The following TMEM59L variants were observed in gnomAD, a reference collection of about 807,000 sequenced individuals.
TMEM59L encodes the protein transmembrane protein 59-like.
In TMEM59L, 31 loss-of-function variants were observed where a neutral mutation model predicts 39.6. That is an observed-to-expected ratio of 0.78 (90% CI 0.59 to 1.06). TMEM59L has a LOEUF of 1.06. TMEM59L is among the 50% of genes least tolerant of loss of function. The pLI, the probability that TMEM59L is intolerant of heterozygous loss-of-function variation, is 0.00. For synonymous variants in TMEM59L, 219 were observed against 202.9 expected, an observed-to-expected ratio of 1.08 and a Z score of -0.68; for missense variants, 441 against 451.3, an observed-to-expected ratio of 0.98 and a Z score of 0.21.
chr19:18,614,077 C>G (rs774970062), intron 2 of TMEM59L, 27 bp from the exon 3 acceptor site: 1 of 1,612,558 alleles, frequency 6.2e-7, no homozygotes, highest in South Asian at 1.1e-5. Context: ...AGGGCCGTCC[C>G]CAGTCACCCG....
intron 3 of TMEM59L, among the ~76,000 whole-genome samples, chr19:18,614,545 G>A (rs1028596682): frequency 6.6e-6 from 1 of 152,184 alleles, no homozygotes; most frequent in Non-Finnish European, 1.5e-5. Context: ...AACCTCCCAG[G>A]TCATACACAG....
intron 7 of TMEM59L, among the ~76,000 whole-genome samples, 193 bp downstream of exon 7, chr19:18,618,685 ATATAAT>A: frequency 7.3e-6 from 1 of 136,246 alleles, no homozygotes; most frequent in African/African-American, 2.6e-5. Context: ...ATATATATAT[ATATAAT>A]ATATATATAT....
In TMEM59L at chr19:18,613,222, G is replaced by A. The variant is rs1212445875; in HGVS notation, c.171+93G>A. On this transcript the variant is annotated intron_variant, in intron 1 of 7. Transcript: ENST00000262817. ...ATGGGCTTCTCTTGGATGACAGCAG[G>A]AGACTTTGGTGGGGGTGTCCGTGGG... 5 of 1,196,056 alleles carry A rather than the reference G, an allele frequency of 4.2e-6. No homozygotes were observed. In the East Asian group the frequency reaches 1.6e-4, roughly 39 times the overall value. 74.1% of individuals were successfully genotyped at this position (1,196,056 alleles called of 1,614,324 possible).
chr19:18,619,458 G>T (rs575508530), intron 7 of TMEM59L, among the ~76,000 whole-genome samples: 1 of 152,192 alleles, frequency 6.6e-6, no homozygotes, highest in Non-Finnish European at 1.5e-5. Flanking sequence ...CCTCTGTGGT[G>T]CCCAGAGCCT....
intron 1 of TMEM59L, among the ~76,000 whole-genome samples, chr19:18,613,369 C>T (rs1187840567): frequency 1.3e-5 from 2 of 152,046 alleles, no homozygotes; most frequent in African/African-American, 4.8e-5. Context: ...CTCCCGGGCT[C>T]CTTCCGCACT....
chr19:18,616,142 A>G lies in TMEM59L; in HGVS notation c.561+15A>G. On this transcript the variant is annotated intron_variant, in intron 4 of 7. Coordinates refer to ENST00000262817, the MANE Select transcript of TMEM59L (RefSeq NM_012109.3). ...TGGTGTTTCAGGTGAGACCTCTGAC[A>G]GGGGCCACGCCAGAGTGGCAGATGG... The G allele has an allele frequency of 1.9e-6, 3 of 1,613,408 alleles. No homozygotes were observed. Among genetic ancestry groups the G allele is most frequent in the Non-Finnish European group, 2.5e-6 (3 of 1,179,702 alleles).
rs886628857 is a variant in TMEM59L, at chr19:18,617,495, AGGGTTCTGTGGCCCATCTCCCT to A, written c.664+415_664+436del. 36 of 461,376 alleles carry A rather than the reference AGGGTTCTGTGGCCCATCTCCCT, an allele frequency of 7.8e-5. 1 individual carries two copies. The highest frequency in any genetic ancestry group is 1.3e-4 in the Non-Finnish European group (29 of 230,880). The allele number at this position is 461,376 out of a possible 1,614,324, so 28.6% of individuals were successfully genotyped here. A position where few individuals can be genotyped will look rare whatever the true frequency, so the allele number is the denominator to read the frequency against. ...CCCAGGGATCCATGGTTCACTTTCC[AGGGTTCTGTGGCCCATCTCCCT>A]GGGTTCTGTGGCCCATCTCCCAGGG... On this transcript the variant is annotated intron_variant, in intron 5 of 7. Coordinates refer to ENST00000262817, the MANE Select transcript of TMEM59L (RefSeq NM_012109.3).
At chr19:18,614,562 GC>G (rs369653779) in intron 3 of TMEM59L, among the ~76,000 whole-genome samples, 152 of 152,336 alleles carry the variant, frequency 1.0e-3, no homozygotes, top group African/African-American at 3.5e-3. Flanking sequence ...ACAGGGCTGT[GC>G]AAGGGGCGAG....
At chr19:18,617,701 G>T (rs1389454618) in intron 5 of TMEM59L, 4 of 444,684 alleles carry the variant, frequency 9.0e-6, no homozygotes, top group South Asian at 6.4e-5. Context: ...CATCCCCCAG[G>T]GTTCTGCAGT....
chr19:18,613,507 A>C, intron 1 of TMEM59L, among the ~76,000 whole-genome samples: 1 of 145,680 alleles, frequency 6.9e-6, no homozygotes. Flanking sequence ...TACTCATACC[A>C]CCACTCCCCA....
At chr19:18,614,449 G>A (rs771328990) in intron 3 of TMEM59L, among the ~76,000 whole-genome samples, 2 of 152,194 alleles carry the variant, frequency 1.3e-5, no homozygotes, top group African/African-American at 4.8e-5. Context: ...GTCCTGGTTC[G>A]GGCCTGACTT....
rs765831156 is a variant in TMEM59L, at chr19:18,613,036, G to A, written c.78G>A (p.Pro26=). The change falls in exon 1 of 8, where the codon CCG becomes CCA. Residue 26 remains proline, a synonymous_variant. Transcript: ENST00000262817. ...LLASPPAASA[P]SARDPFAPQL... Reference sequence around the variant, plus strand: ...CGTCGCCGCCCGCCGCCTCCGCGCCGTCCGCCCGCGATCCCTTCGCCCCCC... The same window carrying A: ...CGTCGCCGCCCGCCGCCTCCGCGCCATCCGCCCGCGATCCCTTCGCCCCCC... 2.2e-6 allele frequency: 3 copies of A among 1,392,144 alleles called. No homozygotes were observed. The highest frequency in any genetic ancestry group is 3.1e-5 in the South Asian group (2 of 64,186). 86.2% of individuals were successfully genotyped at this position (1,392,144 alleles called of 1,614,324 possible).
intron 4 of TMEM59L, among the ~76,000 whole-genome samples, chr19:18,616,341 T>G (rs1290799616): frequency 6.6e-6 from 1 of 152,144 alleles, no homozygotes; most frequent in East Asian, 1.9e-4. Flanking sequence ...TTCTTGGCAG[T>G]AAGGTGGATG....
intron 7 of TMEM59L, among the ~76,000 whole-genome samples, 158 bp downstream of exon 7, chr19:18,618,650 T>C (rs1341289242): frequency 1.3e-5 from 1 of 79,230 alleles, no homozygotes; most frequent in Non-Finnish European, 2.1e-5. Flanking sequence ...CATATACGTG[T>C]GTGTGTGTGT....
rs1976434857 is a variant in TMEM59L at position 18,617,014 on chromosome 19, G to A, written c.576G>A (p.Val192=). 3 of 1,611,388 alleles carry A rather than the reference G, an allele frequency of 1.9e-6. No homozygotes were observed. The highest frequency in any genetic ancestry group is 2.2e-5 in the South Asian group (2 of 90,890). The change falls in exon 5 of 8, where the codon GTG becomes GTA. Residue 192 remains valine (V), a synonymous_variant. Transcript: ENST00000262817. ...KVVVFQTQPI[V]ESLGFQGGRL... is the part of the protein sequence containing the mutation. ...TCCTGGCCCAGACTCAGCCCATAGTGGAGAGCCTCGGCTTCCAGGGGGGCC... is the reference window on the plus strand; with the variant it reads ...TCCTGGCCCAGACTCAGCCCATAGTAGAGAGCCTCGGCTTCCAGGGGGGCC...
intron 3 of TMEM59L, 46 bp downstream of exon 3, chr19:18,614,241 A>T: frequency 6.5e-7 from 1 of 1,526,718 alleles, no homozygotes; most frequent in Non-Finnish European, 8.8e-7. Context: ...CAATACCCCC[A>T]CCCTCTTCAC....
Position 18,618,384 on chromosome 19 carries a change from T to C in TMEM59L, c.792T>C (p.Gly264=). Residue 264 remains glycine, a synonymous_variant, in exon 7 of 8, where the codon GGT becomes GGC. Coordinates refer to ENST00000262817, the MANE Select transcript of TMEM59L (RefSeq NM_012109.3). The part of the protein sequence containing the change: ...DFLSCMSRRS[G]LPRWILACCL... ...CTGCCGGGCGGGGCAGGCGCTCGGGTCTGCCTCGCTGGATCCTGGCCTGCT... is the reference window on the plus strand; with the variant it reads ...CTGCCGGGCGGGGCAGGCGCTCGGGCCTGCCTCGCTGGATCCTGGCCTGCT... 1 of 1,602,560 alleles carries C rather than the reference T, an allele frequency of 6.2e-7. No homozygotes were observed. Among genetic ancestry groups the C allele is most frequent in the Non-Finnish European group, 8.5e-7 (1 of 1,177,568 alleles).
Position 18,620,577 on chromosome 19 carries a change from T to C in TMEM59L, c.*41T>C. 1 of 1,602,072 alleles carries C rather than the reference T, an allele frequency of 6.2e-7. No individual in the cohort carries two copies. Among genetic ancestry groups the C allele is most frequent in the Non-Finnish European group, 8.5e-7 (1 of 1,173,818 alleles). ...ATCACTGCCAACTGCAGGGGGCCCCTCGGGCCTCACTTGCCCTGAGCCCAG... is the reference window on the plus strand; with the variant it reads ...ATCACTGCCAACTGCAGGGGGCCCCCCGGGCCTCACTTGCCCTGAGCCCAG... On this transcript the variant is annotated 3_prime_UTR_variant, in exon 8 of 8. Transcript: ENST00000262817.
At chr19:18,616,276 C>A in intron 4 of TMEM59L, 149 bp downstream of exon 4, 1 of 889,840 alleles carries the variant, frequency 1.1e-6, no homozygotes, top group South Asian at 1.8e-5. Flanking sequence ...GTGTCTCACT[C>A]CATGCCTTGA....
Sources: gnomAD v4.1 joint callset for allele counts (sites outside exome capture counted in the v4.1 genomes callset) on GRCh38, gnomAD v4.1.1 for gene constraint, MANE v1.5 for transcripts, NCBI Gene and HGNC (gene_info 2026-07-23, HGNC 2026-07-21) for gene names.